Variants in EXOC4 observed in about 807,000 individuals in gnomAD.
EXOC4 encodes exocyst complex component 4, also known as SEC8-like 1.
EXOC4 carries 71 observed loss-of-function variants against 107.2 expected under a neutral mutation model. The observed-to-expected ratio is 0.66, with a 90% CI of 0.55 to 0.81. The LOEUF (loss-of-function observed/expected upper bound fraction) is 0.81. Ranked by LOEUF, EXOC4 falls within the 30% of genes least tolerant of loss-of-function variation. The pLI is 0.00. For synonymous variants in EXOC4, 456 were observed against 441.2 expected, an observed-to-expected ratio of 1.03 and a Z score of -0.42; for missense variants, 1,108 against 1,189.6, an observed-to-expected ratio of 0.93 and a Z score of 1.01.
chr7:133,661,527 C>A (rs192343869), intron 10 of EXOC4, among the ~76,000 whole-genome samples: 4 of 152,072 alleles, frequency 2.6e-5, no homozygotes, highest in Admixed American at 2.0e-4. Context: ...AACTGCTTAT[C>A]GTTAGGGGCT....
chr7:133,818,577 C>A (rs1382541107), intron 11 of EXOC4, among the ~76,000 whole-genome samples: 1 of 152,142 alleles, frequency 6.6e-6, no homozygotes, highest in Non-Finnish European at 1.5e-5. Flanking sequence ...GGAAGATGTT[C>A]ATTTGGATGG....
chr7:133,420,608 C>CATG (rs1797582899), intron 7 of EXOC4, among the ~76,000 whole-genome samples: 1 of 152,040 alleles, frequency 6.6e-6, no homozygotes, highest in East Asian at 1.9e-4. Flanking sequence ...CACACAAAAG[C>CATG]GTGGACAGTA....
rs549068337 is a variant in EXOC4, at chr7:133,436,056, T to TG, written c.1183-39272_1183-39271insG. ...ATTTGAATTATCTCAGTGTTTTTTT[T>TG]TTTTTGTTTTTTTAAAGGAGATAGA... On this transcript the variant is annotated intron_variant, in intron 7 of 17. Transcript: ENST00000253861. 3.5e-4 allele frequency among the ~76,000 whole-genome samples: 53 copies of TG among 151,494 alleles called. No homozygotes were observed. The South Asian group carries it at 7.1e-3, about 20-fold the overall frequency.
chr7:133,948,625 G>T (rs1245760611), intron 14 of EXOC4, among the ~76,000 whole-genome samples: 1 of 152,154 alleles, frequency 6.6e-6, no homozygotes, highest in Non-Finnish European at 1.5e-5. Context: ...GGATACTACG[G>T]TAATGATAAT....
intron 10 of EXOC4, among the ~76,000 whole-genome samples, chr7:133,743,227 A>T (rs1186895484): frequency 1.3e-5 from 2 of 152,188 alleles, no homozygotes; most frequent in Non-Finnish European, 2.9e-5. Flanking sequence ...GCTGCTGCTT[A>T]TGGGTTTTCA....
intron 11 of EXOC4, among the ~76,000 whole-genome samples, chr7:133,853,132 A>G (rs1203055868): frequency 6.6e-6 from 1 of 152,050 alleles, no homozygotes; most frequent in African/African-American, 2.4e-5. Context: ...GGTTTAAGCA[A>G]TCGAGGTCGT....
chr7:133,356,263 A>G (rs143099447), intron 5 of EXOC4, 67 bp from the exon 6 acceptor site: 4 of 1,522,240 alleles, frequency 2.6e-6, no homozygotes, highest in African/African-American at 1.4e-5. Flanking sequence ...TTCGTTTATT[A>G]GACTGCTCTG....
At chr7:133,294,553 A>G (rs1794476564) in intron 3 of EXOC4, among the ~76,000 whole-genome samples, 1 of 152,080 alleles carries the variant, frequency 6.6e-6, no homozygotes, top group African/African-American at 2.4e-5. Flanking sequence ...ATGCCTTTTA[A>G]AAAGAATCCA....
At position 133,777,207 on chromosome 7, in the gene EXOC4, T is replaced by C. The variant is rs145085619; in HGVS notation, c.1515-40118T>C. 2.0e-3 allele frequency among the ~76,000 whole-genome samples: 297 copies of C among 152,116 alleles called. 1 individual carries two copies. The highest frequency in any genetic ancestry group is 0.012 in the South Asian group (58 of 4,818). On this transcript the variant is annotated intron_variant, in intron 10 of 17. Transcript: ENST00000253861. The stretch of plus-strand genomic sequence containing the variant: ...CAGAATTCTTTGAGCACAGTATTTA[T>C]CAGAACTTCTCCTGAGATTGAAGAT...
chr7:133,779,636 C>G (rs986257937), intron 10 of EXOC4, among the ~76,000 whole-genome samples: 1 of 152,102 alleles, frequency 6.6e-6, no homozygotes, highest in Admixed American at 6.5e-5. Context: ...TAAAAATGCT[C>G]CAATCGGTGC....
At chr7:133,392,758 A>G (rs1796881543) in intron 7 of EXOC4, among the ~76,000 whole-genome samples, 1 of 152,216 alleles carries the variant, frequency 6.6e-6, no homozygotes, top group African/African-American at 2.4e-5. Flanking sequence ...GTATCATTGT[A>G]TAATCAAAGA....
At chr7:133,761,156 T>G (rs1350576396) in intron 10 of EXOC4, among the ~76,000 whole-genome samples, 1 of 152,188 alleles carries the variant, frequency 6.6e-6, no homozygotes, top group African/African-American at 2.4e-5. Context: ...AGATTAGCAT[T>G]CTCTGTTGAT....
chr7:133,432,288 A>G (rs781692632), intron 7 of EXOC4, among the ~76,000 whole-genome samples: 1 of 152,192 alleles, frequency 6.6e-6, no homozygotes. Context: ...CTAATTAGTT[A>G]TATAACTTTA....
At chr7:133,783,917 T>C (rs1038666784) in intron 10 of EXOC4, among the ~76,000 whole-genome samples, 1 of 152,212 alleles carries the variant, frequency 6.6e-6, no homozygotes, top group African/African-American at 2.4e-5. Flanking sequence ...TGCATGTTTA[T>C]TTTTGATGTG....
chr7:133,539,595 G>A (rs924291197), intron 9 of EXOC4, among the ~76,000 whole-genome samples: 3 of 147,522 alleles, frequency 2.0e-5, no homozygotes, highest in Non-Finnish European at 4.4e-5. Flanking sequence ...CTGTGGGGTG[G>A]GGGGGTATAT....
At chr7:133,800,507 G>A (rs956343521) in intron 10 of EXOC4, among the ~76,000 whole-genome samples, 9 of 151,850 alleles carry the variant, frequency 5.9e-5, no homozygotes, top group African/African-American at 1.9e-4. Flanking sequence ...TTCCAGTTTT[G>A]TTTTAATAAC....
intron 7 of EXOC4, among the ~76,000 whole-genome samples, chr7:133,457,721 T>G (rs1416011805): frequency 6.6e-6 from 1 of 152,178 alleles, no homozygotes; most frequent in African/African-American, 2.4e-5. Flanking sequence ...AAATAATGAT[T>G]TAAAAATTCT....
At chr7:133,613,941 G>A (rs193301471) in intron 9 of EXOC4, among the ~76,000 whole-genome samples, 1 of 152,256 alleles carries the variant, frequency 6.6e-6, no homozygotes, top group East Asian at 1.9e-4. Flanking sequence ...TAAAGCTGGA[G>A]AATTTAATGC....
intron 11 of EXOC4, among the ~76,000 whole-genome samples, chr7:133,834,527 G>C (rs1288376176): frequency 6.6e-6 from 1 of 152,228 alleles, no homozygotes; most frequent in Non-Finnish European, 1.5e-5. Flanking sequence ...AACTGGCCAA[G>C]GAGGCACCCC....
Sources: gnomAD v4.1 joint callset for allele counts (sites outside exome capture counted in the v4.1 genomes callset) on GRCh38, gnomAD v4.1.1 for gene constraint, MANE v1.5 for transcripts, NCBI Gene and HGNC (gene_info 2026-07-23, HGNC 2026-07-21) for gene names.